Variants in CRB1 observed in about 807,000 individuals in gnomAD.
The protein encoded by CRB1 is protein crumbs homolog 1.
CRB1 carries 83 observed loss-of-function variants against 120.0 expected under a neutral mutation model. That is an observed-to-expected ratio of 0.69 (90% CI 0.58 to 0.83). The LOEUF (loss-of-function observed/expected upper bound fraction) is 0.83. Ranked by LOEUF, CRB1 falls within the 40% of genes least tolerant of loss-of-function variation. The probability of loss-of-function intolerance (pLI) is 0.00; values close to 1 mark genes in which losing one functional copy is unlikely to be tolerated. For missense variants in CRB1, 1,699 were observed against 1,687.6 expected (o/e 1.01, Z -0.12); for synonymous variants, 625 against 612.5 (o/e 1.02, Z -0.30).
intron 1 of CRB1, among the ~76,000 whole-genome samples, chr1:197,312,531 G>A (rs1359029798): frequency 2.0e-5 from 3 of 152,150 alleles, no homozygotes; most frequent in Non-Finnish European, 2.9e-5. Context: ...GCAGTGAGTC[G>A]AGATGGCACC....
intron 1 of CRB1, among the ~76,000 whole-genome samples, chr1:197,317,201 C>T (rs1235947939): frequency 1.3e-5 from 2 of 151,958 alleles, no homozygotes; most frequent in Non-Finnish European, 2.9e-5. Flanking sequence ...GTGAATCACC[C>T]GAGGTCAAGA....
At chr1:197,453,595 G>T (rs1316753669) in intron 11 of CRB1, among the ~76,000 whole-genome samples, 7 of 142,826 alleles carry the variant, frequency 4.9e-5, no homozygotes, top group Non-Finnish European at 9.1e-5. Flanking sequence ...GAGAGAGAGA[G>T]AGACAAGGTC....
chr1:197,252,118 C>T, the CRB1 span, among the ~76,000 whole-genome samples: 24,557 of 151,658 alleles, frequency 0.16, 2,245 homozygotes, highest in Middle Eastern at 0.24. Flanking sequence ...ATATTTTAGG[C>T]TTTGTGGGCC....
At chr1:197,268,250 T>C, upstream of CRB1, 1 of 666,360 alleles carries the variant, frequency 1.5e-6, no homozygotes, top group Non-Finnish European at 2.8e-6. Flanking sequence ...ATTTTGAATC[T>C]AAGTCCCTGT....
rs189482531 is a variant in CRB1, at chr1:197,352,144, C to T, written c.988+4665C>T. Among the ~76,000 whole-genome samples, 934 of 152,288 alleles carry T rather than the reference C, an allele frequency of 6.1e-3. 7 individuals carry two copies. The highest frequency in any genetic ancestry group is 0.021 in the African/African-American group (863 of 41,552). On this transcript the variant is annotated intron_variant, in intron 4 of 11. Transcript: ENST00000367400. ...GTTAACAAACATAATATAAGAACCC[C>T]AGGGATGTGACTCAGTATCATGTTG...
At chr1:197,338,450 T>C (rs75707191) in intron 2 of CRB1, among the ~76,000 whole-genome samples, 1 of 152,112 alleles carries the variant, frequency 6.6e-6, no homozygotes, top group Non-Finnish European at 1.5e-5. Context: ...TACAAGGAAG[T>C]AGGAGAATTT....
intron 5 of CRB1, among the ~76,000 whole-genome samples, chr1:197,380,677 G>A (rs559126134): frequency 6.6e-6 from 1 of 152,276 alleles, no homozygotes; most frequent in East Asian, 1.9e-4. Context: ...GTTAAATTTT[G>A]TAAAGCCCCC....
At position 197,421,067 on chromosome 1, in the gene CRB1, G is replaced by A; in HGVS notation, c.1239G>A (p.Glu413=). The stretch of plus-strand genomic sequence containing the variant: ...CTTGCCAAAATGGTGGTACTTGTGA[G>A]AACTTGCCTGGGAATTATACTTGCC... The part of the protein sequence containing the change: ...SNPCQNGGTC[E]NLPGNYTCHC... Residue 413 remains glutamate (E), a synonymous_variant, in exon 6 of 12, where the codon GAG becomes GAA. Transcript: ENST00000367400. The A allele has an allele frequency of 6.2e-7, 1 of 1,614,210 alleles. No individual in the cohort carries two copies. Among genetic ancestry groups the A allele is most frequent in the Non-Finnish European group, 8.5e-7 (1 of 1,180,036 alleles).
rs1571642772 is a variant in CRB1 at position 197,476,616 on chromosome 1, G to A, written c.4006-1048G>A. Among the ~76,000 whole-genome samples the A allele has an allele frequency of 2.0e-5, 3 of 151,980 alleles. No individual in the cohort carries two copies. In the East Asian group the frequency reaches 5.8e-4, roughly 29 times the overall value. The stretch of plus-strand genomic sequence containing the variant: ...AAGCTGTTAAAATATTATATTAATT[G>A]TATAATAATTTAAACCAAGACACAG... On this transcript the variant is annotated intron_variant, in intron 11 of 11. Transcript: ENST00000367400.
At chr1:197,376,653 G>A (rs1661663180) in intron 5 of CRB1, among the ~76,000 whole-genome samples, 1 of 152,078 alleles carries the variant, frequency 6.6e-6, no homozygotes, top group South Asian at 2.1e-4. Flanking sequence ...TCTAGACCAA[G>A]CCACTGTCAT....
At chr1:197,417,369 A>G (rs963976607) in intron 5 of CRB1, among the ~76,000 whole-genome samples, 1 of 152,212 alleles carries the variant, frequency 6.6e-6, no homozygotes, top group Admixed American at 6.5e-5. Flanking sequence ...CTCCTACTGC[A>G]GGTTAAGGGT....
chr1:197,398,429 G>A (rs1007694706), intron 5 of CRB1, among the ~76,000 whole-genome samples: 1 of 152,136 alleles, frequency 6.6e-6, no homozygotes, highest in African/African-American at 2.4e-5. Context: ...TTTGAAAAAG[G>A]CAAAACTGAA....
At chr1:197,333,874 A>G (rs1379975895) in intron 2 of CRB1, among the ~76,000 whole-genome samples, 1 of 152,204 alleles carries the variant, frequency 6.6e-6, no homozygotes, top group Admixed American at 6.5e-5. Flanking sequence ...AGAAAGTATA[A>G]TGTCTCTAGA....
chr1:197,329,153 C>G (rs1658708217), intron 2 of CRB1, 150 bp downstream of exon 2: 1 of 752,316 alleles, frequency 1.3e-6, no homozygotes, highest in East Asian at 2.7e-5. Flanking sequence ...ACTCCCTAAA[C>G]TGCTGAAAAT....
At chr1:197,420,898 A>G (rs1664268545) in intron 5 of CRB1, 102 bp from the exon 6 acceptor site, 1 of 819,182 alleles carries the variant, frequency 1.2e-6, no homozygotes, top group Non-Finnish European at 2.1e-6. Flanking sequence ...CCTAAACCTG[A>G]GCTATTCATG....
the CRB1 span, among the ~76,000 whole-genome samples, chr1:197,235,649 A>G: frequency 2.0e-5 from 3 of 152,120 alleles, no homozygotes; most frequent in African/African-American, 7.2e-5. Context: ...CAATCCAACA[A>G]AAATCAGCTG....
Position 197,434,914 on chromosome 1 carries a change from C to T in CRB1, c.3051C>T (p.Ser1017=). 1.9e-6 allele frequency: 3 copies of T among 1,613,868 alleles called. No homozygotes were observed. The highest frequency in any genetic ancestry group is 4.5e-5 in the East Asian group (2 of 44,874). The part of the protein sequence containing the change: ...RLFFQLQSGN[S]FYMLSLTSLQ... ...TCTTTCAATTGCAAAGTGGCAACAG[C>T]TTTTATATGCTAAGTCTGACAAGTT... The change falls in exon 9 of 12, where the codon AGC becomes AGT. Residue 1017 remains serine (S), a synonymous_variant. Transcript: ENST00000367400.
chr1:197,443,176 A>G (rs987491134), intron 11 of CRB1: 4 of 151,720 alleles, frequency 2.6e-5, no homozygotes, highest in African/African-American at 7.3e-5. Context: ...GATTATATTC[A>G]TCTATGTTTT....
chr1:197,355,395 G>A (rs1292321059), intron 4 of CRB1, among the ~76,000 whole-genome samples: 2 of 152,224 alleles, frequency 1.3e-5, no homozygotes, highest in African/African-American at 4.8e-5. Context: ...CAGTGCGCTG[G>A]CACTCCTCAG....
Sources: allele counts gnomAD v4.1 joint callset (sites outside exome capture counted in the v4.1 genomes callset), GRCh38; gene constraint gnomAD v4.1.1; transcripts MANE v1.5; gene names NCBI Gene and HGNC (gene_info 2026-07-23, HGNC 2026-07-21).